The following PTPN4 variants were observed in gnomAD, a reference collection of about 807,000 sequenced individuals.
PTPN4 encodes tyrosine-protein phosphatase non-receptor type 4.
In PTPN4, 49 loss-of-function variants were observed where a neutral mutation model predicts 135.5. The ratio of observed to expected loss-of-function variants is 0.36; its 90% CI spans 0.29 to 0.46. The LOEUF (loss-of-function observed/expected upper bound fraction) is 0.46. PTPN4 is among the 20% of genes least tolerant of loss of function. The pLI, the probability that PTPN4 is intolerant of heterozygous loss-of-function variation, is 1.00. For missense variants in PTPN4, 860 were observed against 1,101.0 expected (o/e 0.78, Z 3.10); for synonymous variants, 333 against 369.9 (o/e 0.90, Z 1.14).
At chr2:119,763,433 C>T (rs1257317588) in intron 1 of PTPN4, among the ~76,000 whole-genome samples, 1 of 152,008 alleles carries the variant, frequency 6.6e-6, no homozygotes, top group Non-Finnish European at 1.5e-5. Context: ...AGTGTCAGAT[C>T]CTGTATAAGG....
At position 119,889,306 on chromosome 2, in the gene PTPN4, AC is replaced by A. The variant is rs1302633841; in HGVS notation, c.675+3425del. Among the ~76,000 whole-genome samples, 5 of 152,036 alleles carry A rather than the reference AC, an allele frequency of 3.3e-5. No homozygotes were observed. The East Asian group carries it at 5.8e-4, about 18-fold the overall frequency. Reference sequence around the variant, plus strand: ...GTGGTGGTGGGCACCTGTAGTCCCCACTACTCGGGAGGCTGAGGCAGGAGAA... The same window carrying A: ...GTGGTGGTGGGCACCTGTAGTCCCCATACTCGGGAGGCTGAGGCAGGAGAA... On this transcript the variant is annotated intron_variant, in intron 9 of 26. Coordinates refer to ENST00000263708, the MANE Select transcript of PTPN4 (RefSeq NM_002830.4).
chr2:119,841,533 A>G (rs1677381380), intron 2 of PTPN4, among the ~76,000 whole-genome samples: 1 of 152,188 alleles, frequency 6.6e-6, no homozygotes, highest in Non-Finnish European at 1.5e-5. Context: ...TTCTGTTACA[A>G]TGAAGCAGAG....
At chr2:119,798,468 A>C (rs1447908861) in intron 1 of PTPN4, among the ~76,000 whole-genome samples, 1 of 152,188 alleles carries the variant, frequency 6.6e-6, no homozygotes, top group Non-Finnish European at 1.5e-5. Context: ...TGCGCGGCCA[A>C]CTGCAACACC....
intron 2 of PTPN4, among the ~76,000 whole-genome samples, chr2:119,825,207 A>G (rs546318483): frequency 1.9e-4 from 29 of 152,268 alleles, no homozygotes; most frequent in African/African-American, 6.7e-4. Flanking sequence ...TATTTAGAGT[A>G]TGTTTCTGTA....
At chr2:119,773,792 T>C (rs1690779433) in intron 1 of PTPN4, among the ~76,000 whole-genome samples, 1 of 150,920 alleles carries the variant, frequency 6.6e-6, no homozygotes, top group Non-Finnish European at 1.5e-5. Context: ...ACATAAAATA[T>C]ATATAGATAC....
At chr2:119,902,256 G>C (rs1044878251) in intron 10 of PTPN4, among the ~76,000 whole-genome samples, 1 of 152,170 alleles carries the variant, frequency 6.6e-6, no homozygotes, top group East Asian at 1.9e-4. Flanking sequence ...TAAGCAAGAA[G>C]AAACTGGAGT....
intron 15 of PTPN4, among the ~76,000 whole-genome samples, chr2:119,940,725 T>G (rs1679049727): frequency 6.6e-6 from 1 of 152,188 alleles, no homozygotes; most frequent in South Asian, 2.1e-4. Flanking sequence ...ACATTTGTAT[T>G]AGTGTCTAAC....
At chr2:119,860,180 A>G in intron 2 of PTPN4, among the ~76,000 whole-genome samples, 1 of 152,224 alleles carries the variant, frequency 6.6e-6, no homozygotes, top group East Asian at 1.9e-4. Context: ...AGACAAATAT[A>G]ATCAGAATGA....
intron 2 of PTPN4, among the ~76,000 whole-genome samples, chr2:119,825,620 C>A (rs919076933): frequency 1.3e-5 from 2 of 151,960 alleles, no homozygotes; most frequent in Non-Finnish European, 1.5e-5. Context: ...CTCAGCCTCC[C>A]GAGTAGCTAG....
intron 24 of PTPN4, among the ~76,000 whole-genome samples, chr2:119,963,496 A>C (rs925281307): frequency 2.0e-5 from 3 of 152,210 alleles, no homozygotes; most frequent in Admixed American, 6.5e-5. Flanking sequence ...CCAAGCTATG[A>C]GTGCCCAGGA....
intron 26 of PTPN4, among the ~76,000 whole-genome samples, chr2:119,969,167 A>G (rs1174111086): frequency 2.0e-5 from 3 of 152,138 alleles, no homozygotes; most frequent in African/African-American, 7.2e-5. Context: ...ATGAGCCACC[A>G]CATTGGGCTA....
chr2:119,763,118 T>C lies in PTPN4; in HGVS notation c.-18+2734T>C, dbSNP rs1239091844. 5.3e-5 allele frequency among the ~76,000 whole-genome samples: 8 copies of C among 152,294 alleles called. No individual in the cohort carries two copies. The East Asian group carries it at 1.3e-3, about 26-fold the overall frequency. ...TGTCTAGGAACAGCATAATTTCTTATCTTTTGCATGAATGGGGAAAAAGAG... is the reference window on the plus strand; with the variant it reads ...TGTCTAGGAACAGCATAATTTCTTACCTTTTGCATGAATGGGGAAAAAGAG... On this transcript the variant is annotated intron_variant, in intron 1 of 26. Transcript: ENST00000263708.
In PTPN4 at chr2:119,979,265, G is replaced by A. The variant is rs1029033557; in HGVS notation, c.*2195G>A. 5 of 152,066 alleles carry A rather than the reference G, an allele frequency of 3.3e-5. No homozygotes were observed. The highest frequency in any genetic ancestry group is 7.4e-5 in the Non-Finnish European group (5 of 67,972). 9.4% of individuals were successfully genotyped at this position (152,066 alleles called of 1,614,324 possible). A position where few individuals can be genotyped will look rare whatever the true frequency, so the allele number is the denominator to read the frequency against. On this transcript the variant is annotated 3_prime_UTR_variant, in exon 27 of 27. Transcript: ENST00000263708. ...CAACCATAGACCAAAAGATATCATT[G>A]TATAGATGTAAAGAGACAAAAGTCA...
intron 3 of PTPN4, among the ~76,000 whole-genome samples, chr2:119,871,496 G>C (rs1192559815): frequency 6.6e-6 from 1 of 152,022 alleles, no homozygotes; most frequent in African/African-American, 2.4e-5. Context: ...GCGCTCAGGA[G>C]TTCTGGACTA....
rs1294737213 is a variant in PTPN4 at position 119,979,586 on chromosome 2, CTT to C, written c.*2518_*2519del. Reference sequence around the variant, plus strand: ...AAAATGAATATGCTAATAGATAAGACTTTATCCATTACATCTAAGAACTTTTT... The same window carrying C: ...AAAATGAATATGCTAATAGATAAGACTATCCATTACATCTAAGAACTTTTT... On this transcript the variant is annotated 3_prime_UTR_variant, in exon 27 of 27. Coordinates refer to ENST00000263708, the MANE Select transcript of PTPN4 (RefSeq NM_002830.4). 6.6e-6 allele frequency: 1 copy of C among 152,056 alleles called. No homozygotes were observed. Among genetic ancestry groups the C allele is most frequent in the Non-Finnish European group, 1.5e-5 (1 of 67,956 alleles). 9.4% of individuals were successfully genotyped at this position (152,056 alleles called of 1,614,324 possible). A position where few individuals can be genotyped will look rare whatever the true frequency, so the allele number is the denominator to read the frequency against.
At chr2:119,894,291 T>C (rs1366490435) in intron 9 of PTPN4, among the ~76,000 whole-genome samples, 4 of 152,358 alleles carry the variant, frequency 2.6e-5, no homozygotes, top group Non-Finnish European at 5.9e-5. Context: ...AAAGGAACTC[T>C]TTTCTCAGAT....
intron 3 of PTPN4, among the ~76,000 whole-genome samples, chr2:119,872,434 A>G (rs1410907821): frequency 6.6e-6 from 1 of 152,214 alleles, no homozygotes; most frequent in Non-Finnish European, 1.5e-5. Context: ...AAAATGGAAT[A>G]TTTTACAGAT....
chr2:119,850,579 A>G (rs1198213363), intron 2 of PTPN4, among the ~76,000 whole-genome samples: 1 of 152,240 alleles, frequency 6.6e-6, no homozygotes, highest in Non-Finnish European at 1.5e-5. Flanking sequence ...CTTCCTGGCC[A>G]TATTTTCCCA....
chr2:119,844,536 C>T (rs573512640), intron 2 of PTPN4, among the ~76,000 whole-genome samples: 1,544 of 133,028 alleles, frequency 0.012, 15 homozygotes, highest in Non-Finnish European at 0.018. Flanking sequence ...ACTTCTCAGA[C>T]GGGGCGGCCG....
Sources: gnomAD v4.1 joint callset for allele counts (sites outside exome capture counted in the v4.1 genomes callset) on GRCh38, gnomAD v4.1.1 for gene constraint, MANE v1.5 for transcripts, NCBI Gene and HGNC (gene_info 2026-07-23, HGNC 2026-07-21) for gene names.